Variants in RIC1 observed in about 807,000 individuals in gnomAD.
RIC1 encodes guanine nucleotide exchange factor subunit RIC1.
A neutral mutation model predicts 169.0 loss-of-function variants in RIC1; 88 were observed. That is an observed-to-expected ratio of 0.52 (90% CI 0.44 to 0.62). The LOEUF is 0.62. Among genes scored for constraint, RIC1 ranks in the 20% least tolerant of loss-of-function variants. RIC1 has a pLI of 0.00. For synonymous variants in RIC1, 790 were observed against 601.5 expected, an observed-to-expected ratio of 1.31 and a Z score of -4.59; for missense variants, 1,877 against 1,725.5, an observed-to-expected ratio of 1.09 and a Z score of -1.56.
chr9:5,658,298 A>C (rs1819229732), intron 2 of RIC1, among the ~76,000 whole-genome samples: 1 of 152,150 alleles, frequency 6.6e-6, no homozygotes, highest in African/African-American at 2.4e-5. Context: ...AGCTGACATC[A>C]CTAGACTAAG....
intron 7 of RIC1, among the ~76,000 whole-genome samples, chr9:5,736,640 T>C (rs376005212): frequency 6.6e-6 from 1 of 152,076 alleles, no homozygotes; most frequent in African/African-American, 2.4e-5. Context: ...CTCTCTTGAA[T>C]ATTAAACTGA....
At chr9:5,735,226 T>C (rs1466842155) in intron 7 of RIC1, among the ~76,000 whole-genome samples, 1 of 152,046 alleles carries the variant, frequency 6.6e-6, no homozygotes, top group African/African-American at 2.4e-5. Flanking sequence ...TTTACCTTGT[T>C]TATCTGACAC....
intron 15 of RIC1, 58 bp downstream of exon 15, chr9:5,754,988 A>G (rs7038447): frequency 1.9e-6 from 2 of 1,068,984 alleles, no homozygotes; most frequent in African/African-American, 3.2e-5. Context: ...TTAAGCATGA[A>G]TTAATTTTAT....
Position 5,684,792 on chromosome 9 carries a change from T to C in RIC1, c.253-5167T>C, listed in dbSNP as rs140580014. Among the ~76,000 whole-genome samples the C allele has an allele frequency of 3.0e-4, 45 of 152,330 alleles. 1 individual carries two copies. The highest frequency in any genetic ancestry group is 8.5e-4 in the Admixed American group (13 of 15,308). ...AGTCTTTTACCATTAAGAATGATGT[T>C]ATAAATATTTTATAAATCTCTTTCA... On this transcript the variant is annotated intron_variant, in intron 2 of 25. Transcript: ENST00000414202.
At chr9:5,652,318 A>G (rs1818849552) in intron 1 of RIC1, among the ~76,000 whole-genome samples, 1 of 152,210 alleles carries the variant, frequency 6.6e-6, no homozygotes, top group African/African-American at 2.4e-5. Flanking sequence ...ACAATTTAAC[A>G]GTATTAATTT....
intron 1 of RIC1, among the ~76,000 whole-genome samples, chr9:5,653,610 T>G (rs1818926557): frequency 6.6e-6 from 1 of 151,644 alleles, no homozygotes; most frequent in Non-Finnish European, 1.5e-5. Flanking sequence ...CTTTCTTTCT[T>G]TTTTTGAGAC....
chr9:5,727,989 T>A lies in RIC1; in HGVS notation c.721-4399T>A, dbSNP rs1219474194. On this transcript the variant is annotated intron_variant, in intron 6 of 25. Transcript: ENST00000414202. ...GTCTCCCAGTTAGGCTACTTATGGG[T>A]CAGGGACCCACTTGAGGAGGCAGTC... Among the ~76,000 whole-genome samples the A allele has an allele frequency of 4.6e-5, 7 of 152,270 alleles. No individual in the cohort carries two copies. The East Asian group carries it at 1.2e-3, about 25-fold the overall frequency.
At chr9:5,682,046 G>A (rs567264371) in intron 2 of RIC1, among the ~76,000 whole-genome samples, 1 of 152,206 alleles carries the variant, frequency 6.6e-6, no homozygotes, top group African/African-American at 2.4e-5. Flanking sequence ...TTGAGCCTAT[G>A]TGTGTCTCTG....
intron 2 of RIC1, among the ~76,000 whole-genome samples, chr9:5,689,196 C>A (rs979109680): frequency 1.3e-5 from 2 of 151,760 alleles, no homozygotes; most frequent in Non-Finnish European, 2.9e-5. Flanking sequence ...TTACAGGCGC[C>A]TGCCACCACG....
chr9:5,663,738 C>T (rs1368121899), intron 2 of RIC1, among the ~76,000 whole-genome samples: 9 of 151,926 alleles, frequency 5.9e-5, no homozygotes, highest in Non-Finnish European at 8.8e-5. Flanking sequence ...GACAGCATAC[C>T]GCTGGGTCTT....
Position 5,763,435 on chromosome 9 carries a change from C to G in RIC1, c.2408C>G (p.Thr803Ser), listed in dbSNP as rs1488579378. 14 of 1,614,034 alleles carry G rather than the reference C, an allele frequency of 8.7e-6. No homozygotes were observed. Among genetic ancestry groups the G allele is most frequent in the Non-Finnish European group, 1.2e-5 (14 of 1,180,030 alleles). The part of the protein sequence containing the change: ...NDTLLYDSLY[T>S]RNNAREQLEV... ...ACTTTGCTCTATGATTCTTTATATA[C>G]TCGGAACAATGCTAGAGAACAGCTG... The change falls in exon 19 of 26, where the codon ACT becomes AGT. Residue 803 changes from threonine to serine, a missense_variant. Transcript: ENST00000414202. The surrounding 1 kb of genome is among the most constrained non-coding windows in gnomAD (Gnocchi z 5.2).
intron 2 of RIC1, among the ~76,000 whole-genome samples, chr9:5,660,462 C>A (rs1387288667): frequency 6.6e-6 from 1 of 152,184 alleles, no homozygotes; most frequent in African/African-American, 2.4e-5. Flanking sequence ...AATTTCCACT[C>A]CTACCAACAG....
In RIC1 at chr9:5,689,905, G is replaced by A. The variant is rs746735294; in HGVS notation, c.253-54G>A. On this transcript the variant is annotated intron_variant, in intron 2 of 25. Coordinates refer to ENST00000414202, the MANE Select transcript of RIC1 (RefSeq NM_020829.4). ...AGAATTTATAAAATTAAAATTCAGGGTTACAGTTATAGCCTTACTCTTTAA... is the reference window on the plus strand; with the variant it reads ...AGAATTTATAAAATTAAAATTCAGGATTACAGTTATAGCCTTACTCTTTAA... The A allele has an allele frequency of 2.5e-6, 3 of 1,176,492 alleles. No individual in the cohort carries two copies. In the East Asian group the frequency reaches 7.6e-5, roughly 30 times the overall value. The allele number at this position is 1,176,492 out of a possible 1,614,324, so 72.9% of individuals were successfully genotyped here.
intron 3 of RIC1, chr9:5,713,430 C>T (rs1009758636): frequency 6.6e-6 from 1 of 152,308 alleles, no homozygotes; most frequent in East Asian, 1.9e-4. Context: ...TTGAATTTCA[C>T]CTTAATTCTG....
chr9:5,655,898 G>T (rs971507490), intron 1 of RIC1, among the ~76,000 whole-genome samples: 16 of 151,952 alleles, frequency 1.1e-4, no homozygotes, highest in Admixed American at 1.1e-3. Flanking sequence ...ACAGAGTCTC[G>T]CTTTGTCACC....
At chr9:5,698,926 G>A (rs1822059419) in intron 3 of RIC1, among the ~76,000 whole-genome samples, 1 of 152,158 alleles carries the variant, frequency 6.6e-6, no homozygotes, top group African/African-American at 2.4e-5. Flanking sequence ...AGAATTTGAA[G>A]AATGACAAAA....
rs751276569 is a variant in RIC1 at position 5,757,383 on chromosome 9, C to G, written c.1924C>G (p.Leu642Val). The part of the protein sequence containing the change: ...SMSRYIPHPF[L>V]VVSVTLTSVS... ...GTCACGCTACATTCCTCACCCTTTCCTGGTGGTATCTGTCACTCTGACATC... is the reference window on the plus strand; with the variant it reads ...GTCACGCTACATTCCTCACCCTTTCGTGGTGGTATCTGTCACTCTGACATC... The change falls in exon 17 of 26, where the codon CTG becomes GTG. Residue 642 changes from leucine to valine, a missense_variant. Leu to Val is a conservative substitution (Grantham distance 32). Around this residue, in one of 3 missense-constraint regions of RIC1, gnomAD observed 1,104 missense variants for 992.0 expected, o/e 1.11. Transcript: ENST00000414202. The G allele has an allele frequency of 6.2e-7, 1 of 1,614,044 alleles. No homozygotes were observed. The highest frequency in any genetic ancestry group is 8.5e-7 in the Non-Finnish European group (1 of 1,179,922).
At chr9:5,639,208 TTTC>T (rs1224364455) in intron 1 of RIC1, among the ~76,000 whole-genome samples, 1 of 152,156 alleles carries the variant, frequency 6.6e-6, no homozygotes, top group East Asian at 1.9e-4. Context: ...CCCGGCCATT[TTTC>T]TTCTTTTATG....
chr9:5,706,304 T>C (rs1357722411), intron 3 of RIC1, among the ~76,000 whole-genome samples: 1 of 151,934 alleles, frequency 6.6e-6, no homozygotes, highest in Non-Finnish European at 1.5e-5. Context: ...ATAAAAAAAT[T>C]AGCTGGGCAT....
Sources: gnomAD v4.1 joint callset for allele counts (sites outside exome capture counted in the v4.1 genomes callset) on GRCh38, gnomAD v4.1.1 for gene constraint, gnomAD v4.1.1 regional missense constraint, Gnocchi (gnomAD v3.1) non-coding constraint, MANE v1.5 for transcripts, NCBI Gene and HGNC (gene_info 2026-07-23, HGNC 2026-07-21) for gene names.